Variants in LRRTM4 observed in about 807,000 individuals in gnomAD.
LRRTM4 encodes leucine-rich repeat transmembrane neuronal protein 4.
In LRRTM4, 25 loss-of-function variants were observed where a neutral mutation model predicts 47.6. The observed-to-expected ratio is 0.53, with a 90% CI of 0.38 to 0.73. LRRTM4 has a LOEUF of 0.73. Ranked by LOEUF, LRRTM4 falls within the 30% of genes least tolerant of loss-of-function variation. The pLI, the probability that LRRTM4 is intolerant of heterozygous loss-of-function variation, is 0.00. For missense variants in LRRTM4, 638 were observed against 713.4 expected (o/e 0.89, Z 1.20); for synonymous variants, 311 against 269.5 (o/e 1.15, Z -1.51).
intron 3 of LRRTM4, among the ~76,000 whole-genome samples, chr2:76,792,338 G>C (rs889624956): frequency 2.6e-5 from 4 of 152,018 alleles, no homozygotes; most frequent in African/African-American, 9.7e-5. Flanking sequence ...CCAACCCCCA[G>C]AGACCAGGAA....
At chr2:77,314,876 A>C (rs1033563278) in intron 3 of LRRTM4, among the ~76,000 whole-genome samples, 4 of 152,180 alleles carry the variant, frequency 2.6e-5, no homozygotes, top group African/African-American at 9.6e-5. Flanking sequence ...CACAGCAACG[A>C]GCCAAAGCTT....
At chr2:77,521,646 G>GA (rs1679504595) in intron 2 of LRRTM4, 22 bp downstream of exon 2, 1 of 1,611,962 alleles carries the variant, frequency 6.2e-7, no homozygotes, top group Non-Finnish European at 8.5e-7. Flanking sequence ...TGCTCAGAAG[G>GA]AAACAACAAA....
intron 3 of LRRTM4, 178 bp downstream of exon 3, chr2:77,518,140 A>T (rs1364963332): frequency 1.6e-5 from 20 of 1,287,258 alleles, no homozygotes; most frequent in Non-Finnish European, 9.8e-7. Context: ...AAAAAAAAAA[A>T]AAAAGCAGTC....
Position 76,909,854 on chromosome 2 carries a change from T to G in LRRTM4, c.1552-160938A>C, listed in dbSNP as rs1673986120. On this transcript the variant is annotated intron_variant, in intron 3 of 3. Coordinates refer to ENST00000409884, the MANE Select transcript of LRRTM4 (RefSeq NM_001134745.3). Reference sequence around the variant, plus strand: ...TAAAAAGGCAGGAAACAACAGGTGCTGGAGAGGATGTGAAGAAATAGGAAC... The same window carrying G: ...TAAAAAGGCAGGAAACAACAGGTGCGGGAGAGGATGTGAAGAAATAGGAAC... 2.0e-5 allele frequency among the ~76,000 whole-genome samples: 3 copies of G among 152,310 alleles called. No homozygotes were observed. In the South Asian group the frequency reaches 6.2e-4, roughly 32 times the overall value.
At chr2:76,788,117 A>G (rs945320455) in intron 3 of LRRTM4, among the ~76,000 whole-genome samples, 2 of 152,184 alleles carry the variant, frequency 1.3e-5, no homozygotes, top group Admixed American at 6.6e-5. Flanking sequence ...CTCTGATACA[A>G]TCATGATTAA....
chr2:77,023,192 G>T (rs1030168647), intron 3 of LRRTM4, among the ~76,000 whole-genome samples: 5 of 152,224 alleles, frequency 3.3e-5, no homozygotes, highest in African/African-American at 1.2e-4. Flanking sequence ...GCCCCTTTCA[G>T]CCAAGGCTGG....
intron 3 of LRRTM4, among the ~76,000 whole-genome samples, chr2:77,191,579 T>C (rs971271782): frequency 2.6e-5 from 4 of 151,804 alleles, no homozygotes; most frequent in Non-Finnish European, 5.9e-5. Flanking sequence ...AAACTCTATT[T>C]ATAAATATTA....
At chr2:77,102,056 T>G (rs1040086685) in intron 3 of LRRTM4, among the ~76,000 whole-genome samples, 1 of 152,352 alleles carries the variant, frequency 6.6e-6, no homozygotes, top group African/African-American at 2.4e-5. Flanking sequence ...AGTTACTATC[T>G]GTGTGTGCTG....
At chr2:77,450,244 T>C (rs1192506961) in intron 3 of LRRTM4, among the ~76,000 whole-genome samples, 1 of 151,524 alleles carries the variant, frequency 6.6e-6, no homozygotes, top group Admixed American at 6.6e-5. Context: ...ATATTAAAAC[T>C]CTCCTCTTTC....
chr2:76,757,426 G>A (rs962951625), intron 3 of LRRTM4, among the ~76,000 whole-genome samples: 1 of 152,096 alleles, frequency 6.6e-6, no homozygotes, highest in Non-Finnish European at 1.5e-5. Flanking sequence ...AGTTGATTAA[G>A]TTAATGAATG....
At chr2:77,389,536 T>C (rs1673418967) in intron 3 of LRRTM4, among the ~76,000 whole-genome samples, 1 of 152,138 alleles carries the variant, frequency 6.6e-6, no homozygotes, top group Non-Finnish European at 1.5e-5. Context: ...ACAAAAAGAC[T>C]ATAAAGTCCT....
At chr2:77,156,262 A>G (rs1006084922) in intron 3 of LRRTM4, among the ~76,000 whole-genome samples, 14 of 151,872 alleles carry the variant, frequency 9.2e-5, no homozygotes, top group African/African-American at 3.4e-4. Flanking sequence ...AATAAAAGCT[A>G]TAAGAATTTA....
At chr2:77,468,912 C>A (rs148100829) in intron 3 of LRRTM4, among the ~76,000 whole-genome samples, 46 of 152,340 alleles carry the variant, frequency 3.0e-4, no homozygotes, top group African/African-American at 9.9e-4. Context: ...TGGACCCATT[C>A]TGAGAACTGA....
At chr2:76,911,714 G>A (rs1309700134) in intron 3 of LRRTM4, among the ~76,000 whole-genome samples, 3 of 152,154 alleles carry the variant, frequency 2.0e-5, no homozygotes, top group Admixed American at 2.0e-4. Flanking sequence ...GGGAGAGACA[G>A]GTAGAAATGT....
chr2:77,521,837 C>CAAAA lies in LRRTM4; in HGVS notation c.-147-23_-147-20dup, dbSNP rs5832290. 15 of 156,312 alleles carry CAAAA rather than the reference C, an allele frequency of 9.6e-5. No homozygotes were observed. The highest frequency in any genetic ancestry group is 2.7e-4 in the African/African-American group (6 of 22,404). The allele number at this position is 156,312 out of a possible 1,614,324, so 9.7% of individuals were successfully genotyped here. ...ATACAAACTTCCCCGAGAGGACAGGCAAAAAAAAAAAAAAAAAATACATAT... is the reference window on the plus strand; with the variant it reads ...ATACAAACTTCCCCGAGAGGACAGGCAAAAAAAAAAAAAAAAAAAAAATACATAT... On this transcript the variant is annotated intron_variant, in intron 1 of 3. Transcript: ENST00000409884.
intron 3 of LRRTM4, among the ~76,000 whole-genome samples, chr2:77,061,379 A>T (rs1679779094): frequency 6.6e-6 from 1 of 151,862 alleles, no homozygotes; most frequent in Non-Finnish European, 1.5e-5. Flanking sequence ...CCAAAATCTG[A>T]AAAAAAAGTG....
At chr2:77,366,137 T>C (rs998665434) in intron 3 of LRRTM4, among the ~76,000 whole-genome samples, 5 of 136,114 alleles carry the variant, frequency 3.7e-5, no homozygotes, top group Non-Finnish European at 8.2e-5. Flanking sequence ...GAATCATTAA[T>C]AATTTCTACC....
intron 3 of LRRTM4, among the ~76,000 whole-genome samples, chr2:77,475,214 T>C (rs1677341113): frequency 6.6e-6 from 1 of 152,054 alleles, no homozygotes; most frequent in Non-Finnish European, 1.5e-5. Flanking sequence ...TTCACACCTA[T>C]AAAGAAGCAC....
intron 3 of LRRTM4, among the ~76,000 whole-genome samples, chr2:76,809,078 CCT>C (rs765166960): frequency 6.6e-5 from 10 of 151,888 alleles, no homozygotes; most frequent in Non-Finnish European, 8.8e-5. Context: ...CGATTTTTCC[CCT>C]GATTCAATAC....
Sources: gnomAD v4.1 joint callset for allele counts (sites outside exome capture counted in the v4.1 genomes callset) on GRCh38, gnomAD v4.1.1 for gene constraint, MANE v1.5 for transcripts, NCBI Gene and HGNC (gene_info 2026-07-23, HGNC 2026-07-21) for gene names.